Variants in ANXA10 observed in about 807,000 individuals in gnomAD.
ANXA10 encodes the protein annexin 14.
A neutral mutation model predicts 53.5 loss-of-function variants in ANXA10; 49 were observed. That is an observed-to-expected ratio of 0.92 (90% CI 0.73 to 1.16). The LOEUF (loss-of-function observed/expected upper bound fraction) is 1.16. Among genes scored for constraint, ANXA10 ranks in the 50% most tolerant of loss-of-function variants. ANXA10 has a pLI of 0.00. For missense variants in ANXA10, 393 were observed against 394.4 expected (o/e 1.00, Z 0.03); for synonymous variants, 131 against 128.9 (o/e 1.02, Z -0.11).
chr4:168,098,233 C>T (rs1198651997), intron 1 of ANXA10, among the ~76,000 whole-genome samples: 2 of 151,850 alleles, frequency 1.3e-5, no homozygotes, highest in Non-Finnish European at 2.9e-5. Context: ...AAATGGCAAG[C>T]ACTAAGAACG....
In ANXA10 at chr4:168,164,199, G is replaced by T. The variant is rs1194895863; in HGVS notation, c.311G>T (p.Gly104Val). The T allele has an allele frequency of 3.7e-6, 6 of 1,602,580 alleles. No homozygotes were observed. In the South Asian group the frequency reaches 6.6e-5, roughly 18 times the overall value. ...DAHELWHAMK[G>V]VGTDENCLIE... ...TTATCTCTTTTTTCCTTTCTCTAGG[G>T]AGTAGGCACTGATGAGAATTGCCTC... Residue 104 changes from glycine to valine, a missense_variant and splice_region_variant, in exon 5 of 12, where the codon GGA (glycine) becomes GTA (valine). Physicochemically the swap from Gly to Val is moderately radical, Grantham distance 109. Transcript: ENST00000359299.
intron 8 of ANXA10, chr4:168,178,375 G>A (rs1057109255): frequency 1.1e-5 from 2 of 178,372 alleles, no homozygotes; most frequent in African/African-American, 4.8e-5. Flanking sequence ...CTGCAATATC[G>A]ACGGAATCTT....
chr4:168,155,633 A>C (rs1408873170), intron 3 of ANXA10, among the ~76,000 whole-genome samples: 1 of 70,366 alleles, frequency 1.4e-5, no homozygotes, highest in East Asian at 4.4e-4. Flanking sequence ...AATATATATA[A>C]TTATATATAA....
At chr4:168,095,354 T>C (rs1296136508) in intron 1 of ANXA10, among the ~76,000 whole-genome samples, 2 of 152,026 alleles carry the variant, frequency 1.3e-5, no homozygotes, top group Non-Finnish European at 2.9e-5. Flanking sequence ...GAGTTAACTT[T>C]AATCCTATTC....
intron 2 of ANXA10, among the ~76,000 whole-genome samples, chr4:168,128,500 T>C (rs1731108476): frequency 6.6e-6 from 1 of 152,188 alleles, no homozygotes; most frequent in African/African-American, 2.4e-5. Flanking sequence ...GCTTCTGTTT[T>C]CTAGCTTGTT....
intron 1 of ANXA10, among the ~76,000 whole-genome samples, chr4:168,116,342 T>C (rs13124497): frequency 0.49 from 73,795 of 152,014 alleles, 19,027 homozygotes; most frequent in Non-Finnish European, 0.58. Flanking sequence ...TATGACCAGC[T>C]TGGAGACTTT....
intron 5 of ANXA10, 73 bp from the exon 6 acceptor site, chr4:168,165,174 C>T (rs1731853493): frequency 2.1e-6 from 2 of 971,632 alleles, no homozygotes; most frequent in Non-Finnish European, 3.1e-6. Flanking sequence ...TGGGAAATAA[C>T]ATTAACTTAC....
rs956990805 is a variant in ANXA10 at position 168,177,961 on chromosome 4, G to C, written c.606G>C (p.Lys202Asn). 1.9e-6 allele frequency: 3 copies of C among 1,613,728 alleles called. No individual in the cohort carries two copies. Among genetic ancestry groups the C allele is most frequent in the African/African-American group, 2.7e-5 (2 of 75,034 alleles). ...KTMLQMILCN[K>N]SYQQLRLVFQ... ...TGCTGCAAATGATCCTGTGCAACAA[G>C]AGCTACCAGCAGCTGCGGCTGGGTA... Residue 202 changes from lysine to asparagine, a missense_variant, in exon 8 of 12, where the codon AAG (lysine) becomes AAC (asparagine). Lys to Asn is a moderately conservative substitution (Grantham distance 94). Transcript: ENST00000359299.
At chr4:168,103,316 G>T (rs1730670101) in intron 1 of ANXA10, among the ~76,000 whole-genome samples, 4 of 151,824 alleles carry the variant, frequency 2.6e-5, no homozygotes, top group Admixed American at 2.6e-4. Context: ...TAAGGTCTAT[G>T]ACAAATTTTG....
At chr4:168,156,108 T>TATTTATTAATATTTATTATATATAAA (rs1553957710) in intron 3 of ANXA10, among the ~76,000 whole-genome samples, 1 of 41,376 alleles carries the variant, frequency 2.4e-5, no homozygotes, top group African/African-American at 1.1e-4. Flanking sequence ...TATATAAATA[T>TATTTATTAATATTTATTATATATAAA]TATATTTATT....
At chr4:168,176,396 C>T (rs1304421461) in intron 6 of ANXA10, among the ~76,000 whole-genome samples, 4 of 152,222 alleles carry the variant, frequency 2.6e-5, no homozygotes, top group East Asian at 1.9e-4. Flanking sequence ...TTTACTCTCA[C>T]GGGAGCTGAA....
Position 168,165,244 on chromosome 4 carries a change from C to T in ANXA10, c.401-3C>T. 1 of 1,543,632 alleles carries T rather than the reference C, an allele frequency of 6.5e-7. No homozygotes were observed. Among genetic ancestry groups the T allele is most frequent in the Non-Finnish European group, 8.9e-7 (1 of 1,124,838 alleles). On this transcript the variant is annotated splice_region_variant and splice_polypyrimidine_tract_variant and intron_variant, in intron 5 of 11. Transcript: ENST00000359299. ...CATACCTTTAACATGTTTTCTTATACAGAATACAGCAATAACCTCCAAGAG... is the reference window on the plus strand; with the variant it reads ...CATACCTTTAACATGTTTTCTTATATAGAATACAGCAATAACCTCCAAGAG...
chr4:168,183,414 AT>A (rs1403942678), intron 10 of ANXA10, among the ~76,000 whole-genome samples: 2 of 152,230 alleles, frequency 1.3e-5, no homozygotes, highest in African/African-American at 4.8e-5. Flanking sequence ...CTATAGGATG[AT>A]TTCAATTGTT....
intron 2 of ANXA10, among the ~76,000 whole-genome samples, chr4:168,136,501 G>A (rs1578909233): frequency 6.6e-6 from 1 of 152,266 alleles, no homozygotes; most frequent in Non-Finnish European, 1.5e-5. Flanking sequence ...AGGGACTAGA[G>A]GCCCTATGCA....
chr4:168,108,553 A>G (rs1179474805), intron 1 of ANXA10, among the ~76,000 whole-genome samples: 1 of 152,096 alleles, frequency 6.6e-6, no homozygotes, highest in Non-Finnish European at 1.5e-5. Context: ...AGTTCCTGTC[A>G]TTCCTTCTAA....
intron 2 of ANXA10, among the ~76,000 whole-genome samples, chr4:168,134,825 T>C (rs10024333): frequency 6.6e-6 from 1 of 152,182 alleles, no homozygotes; most frequent in Non-Finnish European, 1.5e-5. Flanking sequence ...AATACCCTGA[T>C]GCTCCCCCTG....
chr4:168,181,604 T>A lies in ANXA10; in HGVS notation c.725-79T>A, dbSNP rs1213706698. 6 of 1,107,826 alleles carry A rather than the reference T, an allele frequency of 5.4e-6. No homozygotes were observed. In the East Asian group the frequency reaches 1.4e-4, roughly 26 times the overall value. 68.6% of individuals were successfully genotyped at this position (1,107,826 alleles called of 1,614,324 possible). A position where few individuals can be genotyped will look rare whatever the true frequency, so the allele number is the denominator to read the frequency against. Reference sequence around the variant, plus strand: ...AATGTAAGAATTGTAACAGGAAAAGTGTTATTGTTTCTCAAATTCTGACGA... The same window carrying A: ...AATGTAAGAATTGTAACAGGAAAAGAGTTATTGTTTCTCAAATTCTGACGA... On this transcript the variant is annotated intron_variant, in intron 9 of 11. Transcript: ENST00000359299.
intron 1 of ANXA10, among the ~76,000 whole-genome samples, chr4:168,117,133 C>A (rs1193100668): frequency 2.0e-5 from 3 of 152,094 alleles, no homozygotes; most frequent in Non-Finnish European, 4.4e-5. Flanking sequence ...GTCCCAGCTA[C>A]TTAGGAGGCT....
intron 6 of ANXA10, among the ~76,000 whole-genome samples, chr4:168,169,936 G>T (rs1560789316): frequency 6.6e-6 from 1 of 152,126 alleles, no homozygotes; most frequent in Non-Finnish European, 1.5e-5. Flanking sequence ...TATTTCAAGG[G>T]AAAACACAAG....
Sources: allele counts gnomAD v4.1 joint callset (sites outside exome capture counted in the v4.1 genomes callset), GRCh38; gene constraint gnomAD v4.1.1; transcripts MANE v1.5; gene names NCBI Gene and HGNC (gene_info 2026-07-23, HGNC 2026-07-21).